The following DYNC1I1 variants were observed in gnomAD, a reference collection of about 807,000 sequenced individuals.
DYNC1I1 encodes dynein cytoplasmic 1 intermediate chain 1.
A neutral mutation model predicts 86.6 loss-of-function variants in DYNC1I1; 43 were observed. That is an observed-to-expected ratio of 0.50 (90% CI 0.39 to 0.64). The LOEUF is 0.64. Ranked by LOEUF, DYNC1I1 falls within the 30% of genes least tolerant of loss-of-function variation. The pLI is 0.00. For missense variants in DYNC1I1, 604 were observed against 788.8 expected (o/e 0.77, Z 2.81); for synonymous variants, 262 against 283.7 (o/e 0.92, Z 0.77).
chr7:95,874,391 GA>G (rs975786768), intron 6 of DYNC1I1, among the ~76,000 whole-genome samples: 3 of 151,700 alleles, frequency 2.0e-5, no homozygotes, highest in Admixed American at 6.6e-5. Context: ...AGTTTAAACA[GA>G]AAAAAAGGTT....
intron 9 of DYNC1I1, among the ~76,000 whole-genome samples, chr7:95,991,715 G>C (rs758436663): frequency 8.6e-5 from 13 of 151,952 alleles, no homozygotes; most frequent in African/African-American, 9.7e-5. Context: ...TACCAAGAGG[G>C]GTCTCCTGCA....
rs1371612729 is a variant in DYNC1I1, at chr7:96,039,291, G to A, written c.1379G>A (p.Gly460Asp). 4 of 1,613,808 alleles carry A rather than the reference G, an allele frequency of 2.5e-6. No individual in the cohort carries two copies. The African/African-American group carries it at 5.3e-5, about 22-fold the overall frequency. ...ACRHGSKAGI[G>D]EVFEGHQGPV... ...TCTTCCTACAGCAAAGCAGGTATTG[G>A]TGAGGTCTTTGAAGGTCACCAAGGG... is the stretch of plus-strand genomic sequence containing the variant. The change falls in exon 14 of 17, where the codon GGT (glycine) becomes GAT (aspartate). Residue 460 changes from glycine to aspartate, a missense_variant. Coordinates refer to ENST00000447467, the MANE Select transcript of DYNC1I1 (RefSeq NM_001135556.2).
chr7:96,097,962 A>G lies in DYNC1I1; in HGVS notation c.*369A>G. 1 of 1,014,062 alleles carries G rather than the reference A, an allele frequency of 9.9e-7. No individual in the cohort carries two copies. The allele number at this position is 1,014,062 out of a possible 1,614,324, so 62.8% of individuals were successfully genotyped here. ...TTAAATCCATATGAAGCCAGATATGATTGGGTGCAGATGTGGTGTTCCTCA... is the reference window on the plus strand; with the variant it reads ...TTAAATCCATATGAAGCCAGATATGGTTGGGTGCAGATGTGGTGTTCCTCA... On this transcript the variant is annotated 3_prime_UTR_variant, in exon 17 of 17. Coordinates refer to ENST00000447467, the MANE Select transcript of DYNC1I1 (RefSeq NM_001135556.2).
intron 6 of DYNC1I1, among the ~76,000 whole-genome samples, chr7:95,900,454 G>C (rs1002749525): frequency 1.3e-5 from 2 of 151,980 alleles, no homozygotes; most frequent in Non-Finnish European, 2.9e-5. Flanking sequence ...ACTTTAGAAA[G>C]AAAAATAAGG....
intron 8 of DYNC1I1, 58 bp downstream of exon 8, chr7:95,985,035 T>A (rs192261111): frequency 6.3e-7 from 1 of 1,583,494 alleles, no homozygotes; most frequent in East Asian, 2.3e-5. Context: ...TAATTCTAAT[T>A]TATTTATGTT....
At chr7:96,096,769 G>A (rs757744196) in intron 16 of DYNC1I1, among the ~76,000 whole-genome samples, 5 of 152,082 alleles carry the variant, frequency 3.3e-5, no homozygotes, top group Non-Finnish European at 7.4e-5. Context: ...ACTGGAACCA[G>A]ATTCCATTGA....
chr7:96,066,523 A>C (rs1047252280), intron 14 of DYNC1I1, among the ~76,000 whole-genome samples: 2 of 152,164 alleles, frequency 1.3e-5, no homozygotes, highest in Non-Finnish European at 2.9e-5. Flanking sequence ...TGTGTCTTTG[A>C]GGGGGAATTT....
chr7:95,826,959 C>T (rs1478584828), intron 4 of DYNC1I1, among the ~76,000 whole-genome samples: 19 of 152,020 alleles, frequency 1.2e-4, no homozygotes. Context: ...ACAAGGAAAC[C>T]GAGCAGGGCT....
chr7:95,991,567 C>T (rs1217370693), intron 9 of DYNC1I1, among the ~76,000 whole-genome samples: 1 of 152,122 alleles, frequency 6.6e-6, no homozygotes, highest in Non-Finnish European at 1.5e-5. Context: ...TCAAAGTTTA[C>T]AATATTCTGG....
intron 6 of DYNC1I1, among the ~76,000 whole-genome samples, chr7:95,921,112 G>A (rs1352337708): frequency 2.0e-5 from 3 of 152,136 alleles, no homozygotes; most frequent in South Asian, 2.1e-4. Flanking sequence ...AGTCTTTATC[G>A]ACATGACATT....
At chr7:95,826,418 G>T (rs929654700) in intron 4 of DYNC1I1, among the ~76,000 whole-genome samples, 1 of 152,206 alleles carries the variant, frequency 6.6e-6, no homozygotes, top group Non-Finnish European at 1.5e-5. Flanking sequence ...AAAAGCAGCT[G>T]CTGCTTATCA....
Position 95,931,728 on chromosome 7 carries a change from G to A in DYNC1I1, c.491-45784G>A, listed in dbSNP as rs1355581302. On this transcript the variant is annotated intron_variant, in intron 6 of 16. Coordinates refer to ENST00000447467, the MANE Select transcript of DYNC1I1 (RefSeq NM_001135556.2). ...ACTGCAACAGCTCAGCTGTGTAGCC[G>A]CAATACAGACCACATGGCCCCCAAA... Among the ~76,000 whole-genome samples, 4 of 152,224 alleles carry A rather than the reference G, an allele frequency of 2.6e-5. No homozygotes were observed. The East Asian group carries it at 7.7e-4, about 29-fold the overall frequency.
chr7:95,776,601 G>T lies in DYNC1I1; in HGVS notation c.-10+3828G>T, dbSNP rs112003189. On this transcript the variant is annotated intron_variant, in intron 1 of 16. Coordinates refer to ENST00000447467, the MANE Select transcript of DYNC1I1 (RefSeq NM_001135556.2). ...CTGTTTAAAAAAGGGGAGAGGAGCAGAGGTCACTCTGCTGAAATGTATCGA... is the reference window on the plus strand; with the variant it reads ...CTGTTTAAAAAAGGGGAGAGGAGCATAGGTCACTCTGCTGAAATGTATCGA... Among the ~76,000 whole-genome samples the T allele has an allele frequency of 1.6e-3, 237 of 152,350 alleles. 1 individual carries two copies. Among genetic ancestry groups the T allele is most frequent in the African/African-American group, 5.4e-3 (224 of 41,590 alleles).
intron 10 of DYNC1I1, among the ~76,000 whole-genome samples, chr7:96,016,306 T>G (rs1394622325): frequency 2.0e-5 from 3 of 151,940 alleles, no homozygotes; most frequent in Non-Finnish European, 4.4e-5. Context: ...CTTTAGGTTT[T>G]TTTTTTTTTT....
At chr7:95,860,702 G>A (rs1419489275) in intron 5 of DYNC1I1, among the ~76,000 whole-genome samples, 3 of 152,112 alleles carry the variant, frequency 2.0e-5, no homozygotes, top group Non-Finnish European at 2.9e-5. Context: ...CTGAAGATTA[G>A]GAAGTCCAAG....
chr7:95,777,566 T>C (rs181510291), intron 1 of DYNC1I1, among the ~76,000 whole-genome samples: 2 of 152,272 alleles, frequency 1.3e-5, no homozygotes, highest in East Asian at 3.9e-4. Context: ...TGTTCTTGCT[T>C]CCAAATTATT....
chr7:95,985,032 A>C, intron 8 of DYNC1I1, 55 bp downstream of exon 8: 1 of 1,584,792 alleles, frequency 6.3e-7, no homozygotes, highest in Non-Finnish European at 8.5e-7. Context: ...TGTTAATTCT[A>C]ATTTATTTAT....
intron 6 of DYNC1I1, among the ~76,000 whole-genome samples, chr7:95,894,155 G>A (rs1431907089): frequency 6.6e-6 from 1 of 151,636 alleles, no homozygotes; most frequent in Non-Finnish European, 1.5e-5. Context: ...ATTATTAGTT[G>A]CTGTAGTCCA....
intron 1 of DYNC1I1, among the ~76,000 whole-genome samples, chr7:95,796,164 C>T (rs767908413): frequency 5.3e-5 from 8 of 152,086 alleles, no homozygotes; most frequent in Non-Finnish European, 1.0e-4. Context: ...GGCTAACGCC[C>T]ATTTGTGTGT....
Sources: gnomAD v4.1 joint callset for allele counts (sites outside exome capture counted in the v4.1 genomes callset) on GRCh38, gnomAD v4.1.1 for gene constraint, MANE v1.5 for transcripts, NCBI Gene and HGNC (gene_info 2026-07-23, HGNC 2026-07-21) for gene names.